Variants in SLC2A8 observed in about 807,000 individuals in gnomAD.
SLC2A8 encodes the protein solute carrier family 2, facilitated glucose transporter member 8.
Under a neutral mutation model 49.2 loss-of-function variants are expected in SLC2A8, and 53 were observed. That is an observed-to-expected ratio of 1.08 (90% confidence interval 0.86 to 1.35). SLC2A8 has a LOEUF of 1.35. Among genes scored for constraint, SLC2A8 ranks in the 40% most tolerant of loss-of-function variants. The probability of loss-of-function intolerance (pLI) is 0.00; values close to 1 mark genes in which losing one functional copy is unlikely to be tolerated. For missense variants in SLC2A8, 688 were observed against 671.7 expected (o/e 1.02, Z -0.27); for synonymous variants, 299 against 297.0 (o/e 1.01, Z -0.07).
rs754302476 is a variant in SLC2A8 at position 127,398,110 on chromosome 9, C to T, written c.425C>T (p.Pro142Leu). Residue 142 changes from proline (P) to leucine (L), a missense_variant and splice_region_variant, in exon 3 of 10, where the codon CCG becomes CTG. Coordinates refer to ENST00000373371, the MANE Select transcript of SLC2A8 (RefSeq NM_014580.5). ...TGCGGTGTTGCCTCCCTAGTGGCCC[C>T]GGTGAGTGTCCCGTCTCTCGAGTGT... Reference protein sequence around the residue: ...LACGVASLVAPVYISEIAYPA... With the variant: ...LACGVASLVALVYISEIAYPA... The T allele has an allele frequency of 5.8e-5, 91 of 1,573,570 alleles. No individual in the cohort carries two copies. Among genetic ancestry groups the T allele is most frequent in the South Asian group, 8.1e-5 (7 of 86,552 alleles).
In SLC2A8 at chr9:127,397,388, C is replaced by A; in HGVS notation, c.69C>A (p.Gly23=). The A allele has an allele frequency of 6.8e-7, 1 of 1,469,574 alleles. No individual in the cohort carries two copies. 91.0% of individuals were successfully genotyped at this position (1,469,574 alleles called of 1,614,324 possible). ...CCTGTCCCCCCAGCGCGCCCCGCGG[C>A]CGCCGCGTCTTCCTCGCCGCCTTCG... ...LGPPGGSAPR[G]RRVFLAAFAA... is the part of the protein sequence containing the mutation. Residue 23 remains glycine, a synonymous_variant, in exon 2 of 10, where the codon GGC becomes GGA. Coordinates refer to ENST00000373371, the MANE Select transcript of SLC2A8 (RefSeq NM_014580.5).
rs748877317 is a variant in SLC2A8 at position 127,403,649 on chromosome 9, C to A, written c.724-11C>A. ...GAGAGAAATCCTGATGGCCAGTATC[C>A]GTCAGAGCAGAGCTTTCACCTGGCC... On this transcript the variant is annotated splice_polypyrimidine_tract_variant and intron_variant, in intron 5 of 9. Transcript: ENST00000373371. The A allele has an allele frequency of 1.2e-6, 2 of 1,612,586 alleles. No homozygotes were observed. The highest frequency in any genetic ancestry group is 1.7e-6 in the Non-Finnish European group (2 of 1,179,956).
Position 127,398,001 on chromosome 9 carries a change from C to A in SLC2A8, c.316C>A (p.Pro106Thr). ...GCTGAGCCTCTTGCTGTGCTCCGTG[C>A]CCTTCGTGGCCGGCTTTGCCGTCAT... ...RKLSLLLCSV[P>T]FVAGFAVITA... Residue 106 changes from proline (P) to threonine (T), a missense_variant, in exon 3 of 10, where the codon CCC becomes ACC. Transcript: ENST00000373371. The A allele has an allele frequency of 1.3e-6, 2 of 1,560,174 alleles. No individual in the cohort carries two copies. The highest frequency in any genetic ancestry group is 1.8e-5 in the Admixed American group (1 of 54,682).
At position 127,407,492 on chromosome 9, in the gene SLC2A8, C is replaced by G. The variant is rs1833533022; in HGVS notation, c.*243C>G. The G allele has an allele frequency of 3.1e-6, 2 of 650,150 alleles. No individual in the cohort carries two copies. The highest frequency in any genetic ancestry group is 1.8e-5 in the African/African-American group (1 of 55,878). 40.3% of individuals were successfully genotyped at this position (650,150 alleles called of 1,614,324 possible). A position where few individuals can be genotyped will look rare whatever the true frequency, so the allele number is the denominator to read the frequency against. ...CCTTCGAGCTTTGCAGACCTGCGGT[C>G]AGCCCTCCATGCGCAAGACTAAAGC... On this transcript the variant is annotated 3_prime_UTR_variant, in exon 10 of 10. Transcript: ENST00000373371.
Position 127,404,973 on chromosome 9 carries a change from A to G in SLC2A8, c.1132A>G (p.Met378Val), listed in dbSNP as rs1833437056. Reference protein sequence around the residue: ...VGLAWLAVGSMCLFIAGFAVG... With the variant: ...VGLAWLAVGSVCLFIAGFAVG... ...GCTGGCCTGGCTGGCCGTGGGCAGC[A>G]TGTGCCTCTTCATCGCCGGTAAGGG... Residue 378 changes from methionine to valine, a missense_variant, in exon 8 of 10, where the codon ATG becomes GTG. Transcript: ENST00000373371. 6.2e-7 allele frequency: 1 copy of G among 1,604,616 alleles called. No homozygotes were observed. The highest frequency in any genetic ancestry group is 8.5e-7 in the Non-Finnish European group (1 of 1,175,932).
chr9:127,398,337 G>A (rs1170624508), intron 3 of SLC2A8: 1 of 777,882 alleles, frequency 1.3e-6, no homozygotes, highest in Admixed American at 1.7e-5. Context: ...TCGGAAAGGT[G>A]AAGTCCTTTG....
chr9:127,399,835 C>A lies in SLC2A8; in HGVS notation c.427-72C>A. On this transcript the variant is annotated intron_variant, in intron 3 of 9. Coordinates refer to ENST00000373371, the MANE Select transcript of SLC2A8 (RefSeq NM_014580.5). This position sits in a 1 kb window ranked among gnomAD's most constrained non-coding sequence, Gnocchi z 4.2. Reference sequence around the variant, plus strand: ...ACCTCTGGTGATCTGCCCGCCTCGGCCTCCCAGAGTGCTGGGATTGCAGGC... The same window carrying A: ...ACCTCTGGTGATCTGCCCGCCTCGGACTCCCAGAGTGCTGGGATTGCAGGC... 2 of 1,323,374 alleles carry A rather than the reference C, an allele frequency of 1.5e-6. No individual in the cohort carries two copies. Among genetic ancestry groups the A allele is most frequent in the Non-Finnish European group, 2.2e-6 (2 of 924,774 alleles). 82.0% of individuals were successfully genotyped at this position (1,323,374 alleles called of 1,614,324 possible).
intron 7 of SLC2A8, 38 bp from the exon 8 acceptor site, chr9:127,404,780 C>T (rs1163392441): frequency 6.3e-7 from 1 of 1,593,076 alleles, no homozygotes; most frequent in Non-Finnish European, 8.6e-7. Context: ...TGGGCCGTTC[C>T]CCGGGTGCCC....
chr9:127,402,882 G>T, intron 5 of SLC2A8, 129 bp downstream of exon 5: 1 of 1,152,602 alleles, frequency 8.7e-7, no homozygotes, highest in Non-Finnish European at 1.2e-6. Context: ...TCCACCCTCA[G>T]CGAGGACAGG....
chr9:127,397,856 G>C, intron 2 of SLC2A8, 49 bp from the exon 3 acceptor site: 1 of 1,428,182 alleles, frequency 7.0e-7, no homozygotes, highest in South Asian at 1.4e-5. Flanking sequence ...GGAGGGGGAG[G>C]ATGGGCTGCG....
intron 5 of SLC2A8, chr9:127,403,444 C>A (rs975529251): frequency 2.2e-4 from 133 of 596,536 alleles, no homozygotes; most frequent in Non-Finnish European, 3.7e-4. Flanking sequence ...TCCCCCCCAC[C>A]TATCAGGAAG....
In SLC2A8 at chr9:127,404,893, C is replaced by A; in HGVS notation, c.1052C>A (p.Ser351Ter). The change falls in exon 8 of 10, where the codon TCG becomes TAG. Residue 351 changes from serine (S) to a stop codon, truncating the protein, a stop_gained. Coordinates refer to ENST00000373371, the MANE Select transcript of SLC2A8 (RefSeq NM_014580.5). LOFTEE classifies it high-confidence loss of function. ...KLTQGGPGNS[S>*]HVAISAPVSA... ...ACCCAGGGTGGCCCTGGCAACTCCTCGCACGTGGCCATCTCGGCGCCTGTC... is the reference window on the plus strand; with the variant it reads ...ACCCAGGGTGGCCCTGGCAACTCCTAGCACGTGGCCATCTCGGCGCCTGTC... The A allele has an allele frequency of 6.2e-7, 1 of 1,612,752 alleles. No homozygotes were observed. Among genetic ancestry groups the A allele is most frequent in the Non-Finnish European group, 8.5e-7 (1 of 1,179,848 alleles).
At position 127,397,380 on chromosome 9, in the gene SLC2A8, C is replaced by G; in HGVS notation, c.61C>G (p.Pro21Ala). 10 of 1,466,552 alleles carry G rather than the reference C, an allele frequency of 6.8e-6. No homozygotes were observed. Among genetic ancestry groups the G allele is most frequent in the African/African-American group, 4.4e-5 (3 of 67,816 alleles). The allele number at this position is 1,466,552 out of a possible 1,614,324, so 90.8% of individuals were successfully genotyped here. A position where few individuals can be genotyped will look rare whatever the true frequency, so the allele number is the denominator to read the frequency against. Residue 21 changes from proline to alanine, a missense_variant, in exon 2 of 10, where the codon CCC becomes GCC. Physicochemically the swap from Pro to Ala is conservative, Grantham distance 27. Transcript: ENST00000373371. ...CCCTCGGCCCTGTCCCCCCAGCGCG[C>G]CCCGCGGCCGCCGCGTCTTCCTCGC... Reference protein sequence around the residue: ...PLLGPPGGSAPRGRRVFLAAF... With the variant: ...PLLGPPGGSAARGRRVFLAAF...
chr9:127,405,596 G>A (rs559038988), intron 9 of SLC2A8, 31 bp downstream of exon 9: 25 of 1,611,570 alleles, frequency 1.6e-5, no homozygotes, highest in African/African-American at 4.0e-5. Flanking sequence ...CACCGCGTTC[G>A]TGCAGTCAGC....
rs376415514 is a variant in SLC2A8 at position 127,397,176 on chromosome 9, C to A, written c.-55C>A. 1,787 of 1,426,576 alleles carry A rather than the reference C, an allele frequency of 1.3e-3. 30 individuals are homozygous for A. The East Asian group carries it at 0.036, about 29-fold the overall frequency. 88.4% of individuals were successfully genotyped at this position (1,426,576 alleles called of 1,614,324 possible). On this transcript the variant is annotated 5_prime_UTR_variant, in exon 1 of 10. Coordinates refer to ENST00000373371, the MANE Select transcript of SLC2A8 (RefSeq NM_014580.5). ...GAGAGGCCGGTGCGGGCCGCACTCG[C>A]AGGGCCCGTGGCGGTTCAGGCGCCA...
Position 127,399,905 on chromosome 9 carries a change from A to T in SLC2A8, c.427-2A>T. ...CATAAATCCTCATCTGATTGCTGGCAGGTCTACATCTCCGAAATCGCCTAC... is the reference window on the plus strand; with the variant it reads ...CATAAATCCTCATCTGATTGCTGGCTGGTCTACATCTCCGAAATCGCCTAC... On this transcript the variant is annotated splice_acceptor_variant, in intron 3 of 9. Transcript: ENST00000373371. LOFTEE classifies it high-confidence loss of function. This position sits in a 1 kb window ranked among gnomAD's most constrained non-coding sequence, Gnocchi z 4.2. 6.2e-7 allele frequency: 1 copy of T among 1,612,674 alleles called. No individual in the cohort carries two copies. Among genetic ancestry groups the T allele is most frequent in the South Asian group, 1.1e-5 (1 of 91,066 alleles).
chr9:127,397,217 C>G lies in SLC2A8; in HGVS notation c.-14C>G, dbSNP rs1299541501. 6.9e-7 allele frequency: 1 copy of G among 1,456,254 alleles called. No homozygotes were observed. Among genetic ancestry groups the G allele is most frequent in the East Asian group, 3.0e-5 (1 of 33,354 alleles). 90.2% of individuals were successfully genotyped at this position (1,456,254 alleles called of 1,614,324 possible). A position where few individuals can be genotyped will look rare whatever the true frequency, so the allele number is the denominator to read the frequency against. On this transcript the variant is annotated 5_prime_UTR_variant, in exon 1 of 10. Coordinates refer to ENST00000373371, the MANE Select transcript of SLC2A8 (RefSeq NM_014580.5). Reference sequence around the variant, plus strand: ...TCAGGCGCCAGAGCTGGCCGATCGGCGTTGGCCGCCGACATGACGCCCGAG... The same window carrying G: ...TCAGGCGCCAGAGCTGGCCGATCGGGGTTGGCCGCCGACATGACGCCCGAG...
In SLC2A8 at chr9:127,397,409, C is replaced by G; in HGVS notation, c.90C>G (p.Ala30=). 4.1e-6 allele frequency: 6 copies of G among 1,476,084 alleles called. No individual in the cohort carries two copies. The highest frequency in any genetic ancestry group is 5.3e-6 in the Non-Finnish European group (6 of 1,121,948). 91.4% of individuals were successfully genotyped at this position (1,476,084 alleles called of 1,614,324 possible). ...GCGGCCGCCGCGTCTTCCTCGCCGC[C>G]TTCGCCGCTGCCCTGGGCCCACTCA... ...APRGRRVFLA[A]FAAALGPLSF... Residue 30 remains alanine (A), a synonymous_variant, in exon 2 of 10, where the codon GCC becomes GCG. Transcript: ENST00000373371.
chr9:127,401,316 A>G (rs1833279973), intron 4 of SLC2A8, among the ~76,000 whole-genome samples: 1 of 152,240 alleles, frequency 6.6e-6, no homozygotes, highest in South Asian at 2.1e-4. Flanking sequence ...GAGAATTGTC[A>G]AGGGATGACT....
Sources: gnomAD v4.1 joint callset for allele counts (sites outside exome capture counted in the v4.1 genomes callset) on GRCh38, gnomAD v4.1.1 for gene constraint, Gnocchi (gnomAD v3.1) non-coding constraint, MANE v1.5 for transcripts, NCBI Gene and HGNC (gene_info 2026-07-23, HGNC 2026-07-21) for gene names.